Variants in SPTAN1 observed in about 807,000 individuals in gnomAD.
SPTAN1 encodes the protein spectrin alpha, non-erythrocytic 1.
SPTAN1 carries 61 observed loss-of-function variants against 331.3 expected under a neutral mutation model. The observed-to-expected ratio is 0.18, with a 90% CI of 0.15 to 0.23. The LOEUF (loss-of-function observed/expected upper bound fraction) is 0.23. Among genes scored for constraint, SPTAN1 ranks in the 10% least tolerant of loss-of-function variants. The pLI, the probability that SPTAN1 is intolerant of heterozygous loss-of-function variation, is 1.00. For synonymous variants in SPTAN1, 1,153 were observed against 1,173.9 expected (o/e 0.98, Z 0.36); for missense variants, 2,043 against 3,147.9 (o/e 0.65, Z 8.40).
chr9:128,599,742 A>G (rs915873668), intron 26 of SPTAN1: 3 of 226,882 alleles, frequency 1.3e-5, no homozygotes, highest in Non-Finnish European at 2.6e-5. Flanking sequence ...AACTTTTTCT[A>G]TAGCTATCTT....
Position 128,602,221 on chromosome 9 carries a change from G to GT in SPTAN1, c.3580-1309dup, listed in dbSNP as rs576224099. Among the ~76,000 whole-genome samples, 1,193 of 130,618 alleles carry GT rather than the reference G, an allele frequency of 9.1e-3. 7 individuals are homozygous for GT. The highest frequency in any genetic ancestry group is 0.016 in the African/African-American group (556 of 35,508). The allele number at this position is 130,618 out of a possible 152,430, so 85.7% of individuals were successfully genotyped here. ...TTTTTGTTTTTTTTGGGTTTTTTTT[G>GT]TTTTTTTTTTTTTGAGACAGAGTCT... On this transcript the variant is annotated intron_variant, in intron 27 of 56. Transcript: ENST00000372739.
intron 24 of SPTAN1, chr9:128,596,522 C>G (rs549824811): frequency 6.6e-6 from 1 of 151,808 alleles, no homozygotes; most frequent in Non-Finnish European, 1.5e-5. Flanking sequence ...GTGATCCACC[C>G]GCCTCGGTCT....
chr9:128,592,564 C>T (rs1006723671), intron 22 of SPTAN1, among the ~76,000 whole-genome samples: 5 of 152,180 alleles, frequency 3.3e-5, no homozygotes, highest in African/African-American at 1.2e-4. Context: ...TGAGCCACCA[C>T]GCCTGGCCTT....
chr9:128,579,534 G>A (rs1851694888), intron 9 of SPTAN1, 103 bp from the exon 10 acceptor site: 1 of 842,838 alleles, frequency 1.2e-6, no homozygotes, highest in Non-Finnish European at 2.0e-6. Flanking sequence ...TCTCATTTTA[G>A]ATGTCATAGT....
At chr9:128,553,074 C>G (rs1275130472) in intron 1 of SPTAN1, 1 of 152,370 alleles carries the variant, frequency 6.6e-6, no homozygotes, top group Non-Finnish European at 1.5e-5. Flanking sequence ...CAGCCGCCTC[C>G]CTGCAGAACG....
rs796053305 is a variant in SPTAN1, at chr9:128,600,110, T to C, written c.3574T>C (p.Trp1192Arg). The change falls in exon 27 of 57, where the codon TGG becomes CGG. Residue 1192 changes from tryptophan to arginine, a missense_variant. Transcript: ENST00000372739. ...AACTGATTCCAAGACAGCCTCCCCG[T>C]GGAAGGTAAGAACTCCTTTGCAAAT... ...DETDSKTASP[W>R]KSARLMVHTV... The C allele has an allele frequency of 1.9e-6, 3 of 1,614,220 alleles. No homozygotes were observed. The highest frequency in any genetic ancestry group is 2.5e-6 in the Non-Finnish European group (3 of 1,180,020).
At chr9:128,618,134 C>A (rs781481694) in intron 43 of SPTAN1, 26 bp downstream of exon 43, 2 of 1,611,922 alleles carry the variant, frequency 1.2e-6, no homozygotes, top group East Asian at 4.5e-5. Flanking sequence ...CAGGAGCTCC[C>A]GGGAACAAGT....
intron 27 of SPTAN1, among the ~76,000 whole-genome samples, chr9:128,603,050 C>G (rs565514244): frequency 6.6e-6 from 1 of 152,258 alleles, no homozygotes; most frequent in South Asian, 2.1e-4. Context: ...TTTTTTCCCT[C>G]TGGTAAAGCC....
chr9:128,581,712 C>A, intron 11 of SPTAN1, 70 bp from the exon 12 acceptor site: 1 of 1,286,588 alleles, frequency 7.8e-7, no homozygotes, highest in Non-Finnish European at 1.1e-6. Flanking sequence ...CCAAAATACC[C>A]TTTGCTTCAC....
rs759580317 is a variant in SPTAN1 at position 128,584,713 on chromosome 9, G to A, written c.2438-8G>A. The A allele has an allele frequency of 6.2e-7, 1 of 1,614,224 alleles. No homozygotes were observed. The highest frequency in any genetic ancestry group is 1.1e-5 in the South Asian group (1 of 91,090). ...GTTGGATAACTGGGGACTGGTGTCT[G>A]CTTTCAGGTAAGGATTTAATTGGGG... On this transcript the variant is annotated splice_polypyrimidine_tract_variant and splice_region_variant and intron_variant, in intron 17 of 56. Transcript: ENST00000372739.
Position 128,582,471 on chromosome 9 carries a change from C to T in SPTAN1, c.1573-8C>T. ...TTACCAATGAAGAACTCTTATCTTC[C>T]TTCCTAGGCATTAGATGAATTTGCA... On this transcript the variant is annotated splice_region_variant and splice_polypyrimidine_tract_variant and intron_variant, in intron 12 of 56. Coordinates refer to ENST00000372739, the MANE Select transcript of SPTAN1 (RefSeq NM_001130438.3). 1 of 1,613,964 alleles carries T rather than the reference C, an allele frequency of 6.2e-7. No individual in the cohort carries two copies. Among genetic ancestry groups the T allele is most frequent in the Non-Finnish European group, 8.5e-7 (1 of 1,179,874 alleles).
intron 20 of SPTAN1, 67 bp downstream of exon 20, chr9:128,587,765 T>A: frequency 1.5e-6 from 2 of 1,366,692 alleles, no homozygotes; most frequent in Admixed American, 1.7e-5. Context: ...TGTCAGCAGG[T>A]GTTCCTATCA....
At chr9:128,554,090 G>GA (rs895491850) in intron 1 of SPTAN1, among the ~76,000 whole-genome samples, 20 of 151,100 alleles carry the variant, frequency 1.3e-4, no homozygotes, top group Middle Eastern at 3.4e-3. Context: ...TGCTGCGGAG[G>GA]AAAAAAAAAG....
chr9:128,582,915 A>T, intron 14 of SPTAN1, 66 bp downstream of exon 14: 1 of 1,605,332 alleles, frequency 6.2e-7, no homozygotes, highest in Non-Finnish European at 8.5e-7. Context: ...CTCACAAATA[A>T]ATTGTAGCTA....
chr9:128,568,628 G>C, intron 2 of SPTAN1, 144 bp from the exon 3 acceptor site: 1 of 1,129,076 alleles, frequency 8.9e-7, no homozygotes, highest in South Asian at 1.3e-5. Flanking sequence ...AATTGAGCAG[G>C]TAAGAGAATG....
At position 128,555,423 on chromosome 9, in the gene SPTAN1, C is replaced by T. The variant is rs1240812172; in HGVS notation, c.-4+2727C>T. ...AGGTATTTGACGAGCATGCAGAAAA[C>T]GGGTTGCCTTTTTGGTTTTGCCTGG... On this transcript the variant is annotated intron_variant, in intron 1 of 56. Coordinates refer to ENST00000372739, the MANE Select transcript of SPTAN1 (RefSeq NM_001130438.3). The T allele has an allele frequency of 3.9e-6, 5 of 1,288,920 alleles. No individual in the cohort carries two copies. The Admixed American group carries it at 6.9e-5, about 18-fold the overall frequency. The allele number at this position is 1,288,920 out of a possible 1,614,324, so 79.8% of individuals were successfully genotyped here. A position where few individuals can be genotyped will look rare whatever the true frequency, so the allele number is the denominator to read the frequency against.
Position 128,627,885 on chromosome 9 carries a change from A to G in SPTAN1, c.6690-40A>G. The G allele has an allele frequency of 6.2e-7, 1 of 1,613,792 alleles. No homozygotes were observed. Among genetic ancestry groups the G allele is most frequent in the Non-Finnish European group, 8.5e-7 (1 of 1,179,738 alleles). On this transcript the variant is annotated intron_variant, in intron 50 of 56. Coordinates refer to ENST00000372739, the MANE Select transcript of SPTAN1 (RefSeq NM_001130438.3). This position sits in a 1 kb window ranked among gnomAD's most constrained non-coding sequence, Gnocchi z 4.9. ...CCCCGATTGCTGCTGTTGTCCGGACACCACCTTGTCTCCCGGCTGCTTGGA... is the reference window on the plus strand; with the variant it reads ...CCCCGATTGCTGCTGTTGTCCGGACGCCACCTTGTCTCCCGGCTGCTTGGA...
rs1850313418 is a variant in SPTAN1 at position 128,568,675 on chromosome 9, A to G, written c.238-97A>G. 2.8e-5 allele frequency: 43 copies of G among 1,534,446 alleles called. No homozygotes were observed. The South Asian group carries it at 4.8e-4, about 17-fold the overall frequency. ...AAATGATGTATCCCTAACTAGAGGG[A>G]GCAGGATTGAGGAGGGGAGGAACAC... On this transcript the variant is annotated intron_variant, in intron 2 of 56. Coordinates refer to ENST00000372739, the MANE Select transcript of SPTAN1 (RefSeq NM_001130438.3).
Position 128,626,692 on chromosome 9 carries a change from A to T in SPTAN1, c.6576+5A>T. ...AACCTACAGAAAATCATCAAGGTAC[A>T]CCTCCCGCTGCCCTCAGGAGCTGCT... On this transcript the variant is annotated splice_donor_5th_base_variant and intron_variant, in intron 49 of 56. Coordinates refer to ENST00000372739, the MANE Select transcript of SPTAN1 (RefSeq NM_001130438.3). 6.2e-7 allele frequency: 1 copy of T among 1,601,548 alleles called. No homozygotes were observed. Among genetic ancestry groups the T allele is most frequent in the Non-Finnish European group, 8.5e-7 (1 of 1,175,212 alleles).
Sources: gnomAD v4.1 joint callset for allele counts (sites outside exome capture counted in the v4.1 genomes callset) on GRCh38, gnomAD v4.1.1 for gene constraint, Gnocchi (gnomAD v3.1) non-coding constraint, MANE v1.5 for transcripts, NCBI Gene and HGNC (gene_info 2026-07-23, HGNC 2026-07-21) for gene names.